Variants in DDR2 observed in about 807,000 individuals in gnomAD.
DDR2 encodes the protein discoidin domain-containing receptor 2.
A neutral mutation model predicts 94.9 loss-of-function variants in DDR2; 27 were observed. That is an observed-to-expected ratio of 0.28 (90% CI 0.21 to 0.39). DDR2 has a LOEUF of 0.39. DDR2 is among the 10% of genes least tolerant of loss of function. The pLI is 1.00. For missense variants in DDR2, 783 were observed against 1,076.0 expected, an observed-to-expected ratio of 0.73 and a Z score of 3.81; for synonymous variants, 382 against 377.2, an observed-to-expected ratio of 1.01 and a Z score of -0.15.
upstream of DDR2, among the ~76,000 whole-genome samples, chr1:162,631,786 C>T (rs1341827325): frequency 1.3e-5 from 2 of 152,130 alleles, no homozygotes; most frequent in East Asian, 3.8e-4. Context: ...TTAGAAAGTC[C>T]TTATAAATGC....
At chr1:162,774,352 T>C (rs1647406583) in intron 14 of DDR2, among the ~76,000 whole-genome samples, 1 of 152,212 alleles carries the variant, frequency 6.6e-6, no homozygotes, top group South Asian at 2.1e-4. Context: ...ATTTGTGTTG[T>C]CTTGATTTGT....
chr1:162,656,452 A>G (rs1438237369), intron 2 of DDR2, among the ~76,000 whole-genome samples: 1 of 152,148 alleles, frequency 6.6e-6, no homozygotes, highest in Non-Finnish European at 1.5e-5. Flanking sequence ...TTTATTATCT[A>G]GGGAATGCCT....
At chr1:162,780,039 C>T (rs1441201509) in intron 17 of DDR2, 73 bp from the exon 18 acceptor site, 2 of 1,599,814 alleles carry the variant, frequency 1.3e-6, no homozygotes, top group African/African-American at 2.7e-5. Context: ...TGCAAAGATA[C>T]TTCCCTTTCC....
Position 162,633,919 on chromosome 1 carries a change from C to T in DDR2, c.-192+1288C>T, listed in dbSNP as rs1044489747. ...CAGCTATGTAAGGCATTATTTCTAT[C>T]GTACATGTAAGGACATTAACGCTTA... On this transcript the variant is annotated intron_variant, in intron 1 of 17. Coordinates refer to ENST00000367921, the MANE Select transcript of DDR2 (RefSeq NM_006182.4). Among the ~76,000 whole-genome samples the T allele has an allele frequency of 3.3e-5, 5 of 152,328 alleles. No homozygotes were observed. The East Asian group carries it at 5.8e-4, about 18-fold the overall frequency.
At position 162,783,302 on chromosome 1, in the gene DDR2, C is replaced by T. The variant is rs1779999; in HGVS notation, c.*3056C>T. On this transcript the variant is annotated 3_prime_UTR_variant, in exon 18 of 18. Transcript: ENST00000367921. ...AAAAGATCTAGAGTGCAAAGAGGTG[C>T]CTGAGGAGCAAAATGTGGTTTTAAT... The T allele has an allele frequency of 0.62, 94,745 of 151,900 alleles. 33,524 individuals carry two copies. The highest frequency in any genetic ancestry group is 0.8 in the Non-Finnish European group (54,150 of 67,984). The allele number at this position is 151,900 out of a possible 1,614,324, so 9.4% of individuals were successfully genotyped here.
At chr1:162,656,215 C>T (rs182907060) in intron 2 of DDR2, among the ~76,000 whole-genome samples, 384 of 152,286 alleles carry the variant, frequency 2.5e-3, no homozygotes, top group African/African-American at 8.9e-3. Context: ...TAGCATCTAG[C>T]ACAGGGTCTG....
intron 3 of DDR2, among the ~76,000 whole-genome samples, chr1:162,725,378 G>GT (rs893034776): frequency 6.6e-6 from 1 of 152,008 alleles, no homozygotes; most frequent in African/African-American, 2.4e-5. Flanking sequence ...TTTTTCGCTT[G>GT]TTTTTTTGTT....
chr1:162,767,101 T>G (rs1664032373), intron 10 of DDR2, 128 bp from the exon 11 acceptor site: 1 of 1,330,910 alleles, frequency 7.5e-7, no homozygotes, highest in African/African-American at 1.4e-5. Flanking sequence ...AGCAGAAGTA[T>G]TAAGGTGGCA....
chr1:162,767,031 G>GA lies in DDR2; in HGVS notation c.1163-187dup, dbSNP rs5778290. Among the ~76,000 whole-genome samples, 128,217 of 135,198 alleles carry GA rather than the reference G, an allele frequency of 0.95. 61,132 individuals carry two copies. The highest frequency in any genetic ancestry group is 1 in the East Asian group (4,750 of 4,762). 88.7% of individuals were successfully genotyped at this position (135,198 alleles called of 152,430 possible). A position where few individuals can be genotyped will look rare whatever the true frequency, so the allele number is the denominator to read the frequency against. On this transcript the variant is annotated intron_variant, in intron 10 of 17. Transcript: ENST00000367921. ...GGGACAGAACAAGACTCTATCTCAG[G>GA]AAAAAAAAAAAGTAATAAAACAGTA...
intron 12 of DDR2, among the ~76,000 whole-genome samples, chr1:162,771,211 G>A (rs1361462207): frequency 6.6e-6 from 1 of 152,184 alleles, no homozygotes; most frequent in Non-Finnish European, 1.5e-5. Context: ...GGAAGCTGGA[G>A]TCACCTCTTT....
Position 162,770,345 on chromosome 1 carries a change from C to T in DDR2, c.1337C>T (p.Ser446Phe). The change falls in exon 12 of 18, where the codon TCC becomes TTC. Residue 446 changes from serine to phenylalanine, a missense_variant. Transcript: ENST00000367921. Reference sequence around the variant, plus strand: ...GATGATGAAATGACAGTCAGCCTTTCCCTGCCAAGTGATTCTAGCATGTTC... The same window carrying T: ...GATGATGAAATGACAGTCAGCCTTTTCCTGCCAAGTGATTCTAGCATGTTC... ...MLDDEMTVSL[S>F]LPSDSSMFNN... The T allele has an allele frequency of 6.2e-7, 1 of 1,614,114 alleles. No individual in the cohort carries two copies. The highest frequency in any genetic ancestry group is 1.1e-5 in the South Asian group (1 of 91,070).
chr1:162,711,472 A>T (rs1410750775), intron 2 of DDR2, among the ~76,000 whole-genome samples: 1 of 152,236 alleles, frequency 6.6e-6, no homozygotes, highest in Non-Finnish European at 1.5e-5. Flanking sequence ...TTAAAGTGGG[A>T]TATACCCCTA....
chr1:162,659,638 G>A (rs1269139453), intron 2 of DDR2, among the ~76,000 whole-genome samples: 2 of 152,186 alleles, frequency 1.3e-5, no homozygotes, highest in African/African-American at 2.4e-5. Context: ...TGCGTTTTAC[G>A]TGCTCTAGCA....
intron 2 of DDR2, among the ~76,000 whole-genome samples, chr1:162,660,869 C>CT (rs1379099332): frequency 1.3e-5 from 2 of 152,190 alleles, no homozygotes; most frequent in African/African-American, 4.8e-5. Flanking sequence ...GCTGTACTGA[C>CT]TGAGTTGAAT....
At chr1:162,777,613 C>A (rs955866254) in intron 16 of DDR2, 6 of 152,184 alleles carry the variant, frequency 3.9e-5, no homozygotes, top group Non-Finnish European at 7.3e-5. Flanking sequence ...ATATATTAGA[C>A]TGACATTCAG....
chr1:162,668,672 T>G (rs769658396), intron 2 of DDR2, among the ~76,000 whole-genome samples: 1 of 152,180 alleles, frequency 6.6e-6, no homozygotes, highest in Non-Finnish European at 1.5e-5. Flanking sequence ...TTTTCTCCTT[T>G]CCCTTAGATC....
intron 1 of DDR2, among the ~76,000 whole-genome samples, chr1:162,650,973 C>T (rs1657659438): frequency 6.6e-6 from 1 of 152,200 alleles, no homozygotes; most frequent in Admixed American, 6.5e-5. Context: ...AAGTGATCCA[C>T]CTGCCTTGGC....
chr1:162,663,813 T>C (rs1658418466), intron 2 of DDR2, among the ~76,000 whole-genome samples: 1 of 152,142 alleles, frequency 6.6e-6, no homozygotes, highest in South Asian at 2.1e-4. Flanking sequence ...AGCCAGTGAT[T>C]GCATCCAAGG....
chr1:162,727,914 C>T (rs752229905), intron 3 of DDR2, among the ~76,000 whole-genome samples: 6 of 147,050 alleles, frequency 4.1e-5, no homozygotes, highest in Non-Finnish European at 8.9e-5. Context: ...CTTCAGAGAC[C>T]CACAGGCCAG....
Sources: gnomAD v4.1 joint callset for allele counts (sites outside exome capture counted in the v4.1 genomes callset) on GRCh38, gnomAD v4.1.1 for gene constraint, MANE v1.5 for transcripts, NCBI Gene and HGNC (gene_info 2026-07-23, HGNC 2026-07-21) for gene names.